ZFAND5: variants seen among roughly 807,000 people sequenced by gnomAD.
ZFAND5 encodes the protein AN1-type zinc finger protein 5.
ZFAND5 carries 4 observed loss-of-function variants against 23.6 expected under a neutral mutation model. That is an observed-to-expected ratio of 0.17 (90% confidence interval 0.08 to 0.39). The LOEUF (loss-of-function observed/expected upper bound fraction) is 0.39, where lower values mean the gene tolerates loss of function less well. Ranked by LOEUF, ZFAND5 falls within the 10% of genes least tolerant of loss-of-function variation. The pLI is 1.00. For missense variants in ZFAND5, 161 were observed against 253.7 expected, an observed-to-expected ratio of 0.63 and a Z score of 2.48; for synonymous variants, 68 against 80.6, an observed-to-expected ratio of 0.84 and a Z score of 0.84.
intron 6 of ZFAND5, 56 bp from the exon 7 acceptor site, chr9:72,356,157 A>T: frequency 6.4e-7 from 1 of 1,574,314 alleles, no homozygotes; most frequent in Non-Finnish European, 8.6e-7. Context: ...AAAAGAAAAA[A>T]AAGCCTTAGT....
intron 4 of ZFAND5, 148 bp from the exon 5 acceptor site, chr9:72,359,669 T>A: frequency 1.3e-6 from 1 of 746,634 alleles, no homozygotes; most frequent in Admixed American, 3.4e-5. Context: ...AAAAATTGGA[T>A]GCCCAGCACA....
chr9:72,360,152 T>C lies in ZFAND5; in HGVS notation c.221A>G (p.Asn74Ser). The C allele has an allele frequency of 6.2e-7, 1 of 1,612,744 alleles. No homozygotes were observed. The highest frequency in any genetic ancestry group is 8.5e-7 in the Non-Finnish European group (1 of 1,179,308). Residue 74 changes from asparagine (N) to serine (S), a missense_variant, in exon 4 of 7, where the codon AAC becomes AGC. By Grantham distance (46) the Asn-to-Ser change is conservative. Around this residue, in one of 3 missense-constraint regions of ZFAND5, gnomAD observed 116 missense variants for 115.2 expected, o/e 1.01. Transcript: ENST00000376962. ...GCTGCCAGCAGCACCTTCACAGTTG[T>C]TTAAGCTAGTGTCTGCTCTCTGTAC... ...ASVQRADTSL[N>S]NCEGAAGSTS...
chr9:72,364,537 T>G, intron 1 of ZFAND5, 159 bp downstream of exon 1: 1 of 1,278,832 alleles, frequency 7.8e-7, no homozygotes, highest in Non-Finnish European at 1.0e-6. Flanking sequence ...TCCGTCTTTG[T>G]GCTTCCTGGG....
In ZFAND5 at chr9:72,353,446, C is replaced by CG; in HGVS notation, c.*2506dup. 6.6e-6 allele frequency: 1 copy of CG among 152,174 alleles called. No individual in the cohort carries two copies. Among genetic ancestry groups the CG allele is most frequent in the East Asian group, 1.9e-4 (1 of 5,194 alleles). 9.4% of individuals were successfully genotyped at this position (152,174 alleles called of 1,614,324 possible). A position where few individuals can be genotyped will look rare whatever the true frequency, so the allele number is the denominator to read the frequency against. ...ATCCCAGCACTTTGGGAGGCCGAGG[C>CG]GGGCAGCTCACCTGAGGTCAGGAGT... On this transcript the variant is annotated 3_prime_UTR_variant, in exon 7 of 7. Transcript: ENST00000376962.
chr9:72,360,212 C>G lies in ZFAND5; in HGVS notation c.161G>C (p.Ser54Thr). 6.2e-7 allele frequency: 1 copy of G among 1,610,690 alleles called. No homozygotes were observed. The highest frequency in any genetic ancestry group is 8.5e-7 in the Non-Finnish European group (1 of 1,178,740). Residue 54 changes from serine (S) to threonine (T), a missense_variant, in exon 4 of 7, where the codon AGT becomes ACT. Ser to Thr is a moderately conservative substitution (Grantham distance 58). Transcript: ENST00000376962. ...SGRMSPMGTASGSNSPTSDSA... is the reference protein window; with the variant it reads ...SGRMSPMGTATGSNSPTSDSA... Reference sequence around the variant, plus strand: ...ATCTGAGGTAGGACTGTTGGAACCACTAGCTGTTCCTATTTAAAAAAAGGA... The same window carrying G: ...ATCTGAGGTAGGACTGTTGGAACCAGTAGCTGTTCCTATTTAAAAAAAGGA...
chr9:72,361,329 T>C (rs1382848069), intron 2 of ZFAND5, among the ~76,000 whole-genome samples: 1 of 146,174 alleles, frequency 6.8e-6, no homozygotes, highest in Non-Finnish European at 1.5e-5. Flanking sequence ...AACATCTTCA[T>C]ATAAGGCTGA....
chr9:72,356,417 G>T (rs1015591616), intron 6 of ZFAND5, among the ~76,000 whole-genome samples: 1 of 152,158 alleles, frequency 6.6e-6, no homozygotes, highest in Non-Finnish European at 1.5e-5. Context: ...TGGGCTATCT[G>T]CCAGCTAATT....
intron 2 of ZFAND5, among the ~76,000 whole-genome samples, chr9:72,361,261 C>A (rs775528429): frequency 3.7e-4 from 56 of 152,190 alleles, no homozygotes; most frequent in Non-Finnish European, 6.9e-4. Context: ...CATATCTGGG[C>A]TTCATCAGTA....
In ZFAND5 at chr9:72,361,873, T is replaced by TA. The variant is rs1204853370; in HGVS notation, c.-9-1087dup. Among the ~76,000 whole-genome samples, 10 of 152,356 alleles carry TA rather than the reference T, an allele frequency of 6.6e-5. No homozygotes were observed. The South Asian group carries it at 2.1e-3, about 32-fold the overall frequency. ...AAAAGCATATTTGAGAGCATTTGCT[T>TA]AAAGGAAAATTCGTGTGCTGTAACT... is the stretch of plus-strand genomic sequence containing the variant. On this transcript the variant is annotated intron_variant, in intron 2 of 6. Transcript: ENST00000376962.
intron 1 of ZFAND5, chr9:72,364,461 C>G: frequency 1.6e-6 from 2 of 1,276,022 alleles, no homozygotes; most frequent in South Asian, 2.5e-5. Flanking sequence ...TGTTTCCCGA[C>G]CGTGCTGTGG....
chr9:72,363,337 C>T (rs1373286957), intron 2 of ZFAND5, 133 bp downstream of exon 2: 1 of 152,190 alleles, frequency 6.6e-6, no homozygotes, highest in African/African-American at 2.4e-5. Context: ...CTCTAACTTA[C>T]AGCTTAAAAA....
Position 72,363,546 on chromosome 9 carries a change from A to G in ZFAND5, c.-86T>C. Reference sequence around the variant, plus strand: ...CCTTGGGCAAGTCCTTACTTTCCAGATTTCAGTTCCCTCTTTGCCAAATGG... The same window carrying G: ...CCTTGGGCAAGTCCTTACTTTCCAGGTTTCAGTTCCCTCTTTGCCAAATGG... On this transcript the variant is annotated 5_prime_UTR_variant, in exon 2 of 7. Coordinates refer to ENST00000376962, the MANE Select transcript of ZFAND5 (RefSeq NM_001102420.3). The G allele has an allele frequency of 1.2e-6, 1 of 868,508 alleles. No individual in the cohort carries two copies. The highest frequency in any genetic ancestry group is 1.4e-6 in the Non-Finnish European group (1 of 723,042). The allele number at this position is 868,508 out of a possible 1,614,324, so 53.8% of individuals were successfully genotyped here. A position where few individuals can be genotyped will look rare whatever the true frequency, so the allele number is the denominator to read the frequency against.
chr9:72,360,975 ACCAAAAAAAAAC>A (rs978437498), intron 2 of ZFAND5, among the ~76,000 whole-genome samples, 188 bp from the exon 3 acceptor site: 7 of 150,782 alleles, frequency 4.6e-5, no homozygotes, highest in African/African-American at 1.7e-4. Context: ...CTGTTTTAGG[ACCAAAAAAAAAC>A]CCAAAAAGAA....
At position 72,357,067 on chromosome 9, in the gene ZFAND5, C is replaced by T; in HGVS notation, c.368-11G>A. On this transcript the variant is annotated splice_polypyrimidine_tract_variant and intron_variant, in intron 5 of 6. Coordinates refer to ENST00000376962, the MANE Select transcript of ZFAND5 (RefSeq NM_001102420.3). ...TGGGCTGAGTGACAACTGAAAAGGA[C>T]AAAAACACAAATTTGTCAAGCATTC... The T allele has an allele frequency of 1.2e-6, 2 of 1,604,554 alleles. No homozygotes were observed. Among genetic ancestry groups the T allele is most frequent in the South Asian group, 2.2e-5 (2 of 89,370 alleles).
In ZFAND5 at chr9:72,353,481, G is replaced by C. The variant is rs1319941783; in HGVS notation, c.*2472C>G. The C allele has an allele frequency of 6.6e-6, 1 of 152,250 alleles. No homozygotes were observed. The highest frequency in any genetic ancestry group is 2.4e-5 in the African/African-American group (1 of 41,460). 9.4% of individuals were successfully genotyped at this position (152,250 alleles called of 1,614,324 possible). ...ACCTGAGGTCAGGAGTTCAAGACCA[G>C]CCTGACCAACATGGAGAAACTGTCT... On this transcript the variant is annotated 3_prime_UTR_variant, in exon 7 of 7. Coordinates refer to ENST00000376962, the MANE Select transcript of ZFAND5 (RefSeq NM_001102420.3).
intron 3 of ZFAND5, 130 bp from the exon 4 acceptor site, chr9:72,360,351 A>G: frequency 2.2e-6 from 2 of 891,814 alleles, no homozygotes; most frequent in African/African-American, 1.7e-5. Flanking sequence ...GTAATCCTAT[A>G]CTTGAGTATC....
chr9:72,363,640 A>G, intron 1 of ZFAND5, 34 bp from the exon 2 acceptor site: 1 of 984,096 alleles, frequency 1.0e-6, no homozygotes, highest in Non-Finnish European at 1.2e-6. Context: ...AACTACAAAG[A>G]ATCCTTAATT....
intron 5 of ZFAND5, among the ~76,000 whole-genome samples, chr9:72,357,419 G>A (rs1841974563): frequency 6.6e-6 from 1 of 152,128 alleles, no homozygotes; most frequent in East Asian, 1.9e-4. Flanking sequence ...TTTCCTAAAT[G>A]CAAACTTTTC....
At chr9:72,356,163 T>G in intron 6 of ZFAND5, 62 bp from the exon 7 acceptor site, 1 of 1,566,090 alleles carries the variant, frequency 6.4e-7, no homozygotes, top group Non-Finnish European at 8.6e-7. Flanking sequence ...AAAAAAAGCC[T>G]TAGTCACTAT....
Sources: gnomAD v4.1 joint callset for allele counts (sites outside exome capture counted in the v4.1 genomes callset) on GRCh38, gnomAD v4.1.1 for gene constraint, gnomAD v4.1.1 regional missense constraint, MANE v1.5 for transcripts, NCBI Gene and HGNC (gene_info 2026-07-23, HGNC 2026-07-21) for gene names.